Variants in SFXN3 observed in about 807,000 individuals in gnomAD.
SFXN3 encodes the protein sideroflexin-3.
Under a neutral mutation model 40.4 loss-of-function variants are expected in SFXN3, and 31 were observed. That is an observed-to-expected ratio of 0.77 (90% CI 0.58 to 1.04). The LOEUF is 1.04. SFXN3 is among the 50% of genes least tolerant of loss of function. SFXN3 has a pLI of 0.00. For missense variants in SFXN3, 366 were observed against 408.2 expected (o/e 0.90, Z 0.89); for synonymous variants, 157 against 160.0 (o/e 0.98, Z 0.14).
rs1938629245 is a variant in SFXN3, at chr10:101,036,783, A to T, written c.568A>T (p.Ile190Phe). ...TGCAGCAGTGGCAGCTGCCAACTGC[A>T]TCAACATCCCCCTGATGAGGCAGAG... Residue 190 changes from isoleucine (I) to phenylalanine (F), a missense_variant, in exon 7 of 12, where the codon ATC becomes TTC. Physicochemically the swap from Ile to Phe is conservative, Grantham distance 21 (BLOSUM62 0). Transcript: ENST00000393459. The surrounding 1 kb of genome is among the most constrained non-coding windows in gnomAD (Gnocchi z 4.2). 1.2e-6 allele frequency: 2 copies of T among 1,613,862 alleles called. No individual in the cohort carries two copies. Among genetic ancestry groups the T allele is most frequent in the African/African-American group, 1.3e-5 (1 of 75,048 alleles).
At chr10:101,034,648 T>G (rs1439778098) in intron 2 of SFXN3, 44 bp from the exon 3 acceptor site, 1 of 1,603,150 alleles carries the variant, frequency 6.2e-7, no homozygotes, top group South Asian at 1.1e-5. Context: ...CTGGAGCCCT[T>G]GGACCCTTGG....
intron 2 of SFXN3, among the ~76,000 whole-genome samples, chr10:101,033,564 G>C (rs57847980): frequency 0.011 from 1,744 of 152,126 alleles, 38 homozygotes; most frequent in African/African-American, 0.04. Context: ...CACACCTGTG[G>C]GTATTTCTAG....
intron 2 of SFXN3, 109 bp downstream of exon 2, chr10:101,032,591 A>G (rs950240517): frequency 7.8e-7 from 1 of 1,277,222 alleles, no homozygotes; most frequent in African/African-American, 1.6e-5. Flanking sequence ...GGCTCTGTGG[A>G]GGTCCAAGTC....
At chr10:101,035,427 G>A (rs1218460951) in intron 3 of SFXN3, 70 bp from the exon 4 acceptor site, 1 of 1,517,414 alleles carries the variant, frequency 6.6e-7, no homozygotes, top group East Asian at 2.3e-5. Context: ...CCCTGAGCTG[G>A]GCAGGTGGGG....
At chr10:101,041,237 G>A (rs1011517589) in exon 12 of SFXN3, 1 of 152,076 alleles carries the variant, frequency 6.6e-6, no homozygotes, top group Non-Finnish European at 1.5e-5. Context: ...CTGCAAACTT[G>A]TCTACTTCTT....
At chr10:101,034,035 C>T (rs1195818258) in intron 2 of SFXN3, among the ~76,000 whole-genome samples, 1 of 151,884 alleles carries the variant, frequency 6.6e-6, no homozygotes, top group Non-Finnish European at 1.5e-5. Flanking sequence ...CAGGGGCAAG[C>T]AGGAGACAGT....
At chr10:101,033,410 A>G (rs568056216) in intron 2 of SFXN3, among the ~76,000 whole-genome samples, 75 of 152,340 alleles carry the variant, frequency 4.9e-4, no homozygotes, top group African/African-American at 1.6e-3. Flanking sequence ...AGGATAGAGC[A>G]CAAGGAGATC....
At chr10:101,038,202 C>T in intron 9 of SFXN3, 2 of 941,146 alleles carry the variant, frequency 2.1e-6, no homozygotes, top group South Asian at 3.1e-5. Flanking sequence ...GGGGCTTGCA[C>T]ATTTGAGGAA....
intron 1 of SFXN3, among the ~76,000 whole-genome samples, 185 bp downstream of exon 1, chr10:101,031,719 C>G (rs1001168908): frequency 1.3e-5 from 2 of 152,104 alleles, no homozygotes; most frequent in East Asian, 3.8e-4. Flanking sequence ...CGCGAGGTTC[C>G]TGGGGTCGTC....
At chr10:101,038,355 G>A (rs1407835009) in intron 9 of SFXN3, 3 of 1,349,910 alleles carry the variant, frequency 2.2e-6, no homozygotes, top group East Asian at 2.9e-5. Context: ...ATCAGCTCCT[G>A]GAGGAAGTGA....
exon 4 of SFXN3, chr10:101,035,532 A>G (rs1281862310): frequency 6.2e-7 from 1 of 1,612,484 alleles, no homozygotes; most frequent in Non-Finnish European, 8.5e-7. Flanking sequence ...ACCGAGGACC[A>G]GCTGTGGAGG....
rs1206483576 is a variant in SFXN3 at position 101,034,626 on chromosome 10, G to T, written c.-3-66G>T. 4.5e-6 allele frequency: 7 copies of T among 1,566,100 alleles called. 1 individual carries two copies. Among genetic ancestry groups the T allele is most frequent in the African/African-American group, 2.7e-5 (2 of 73,460 alleles). On this transcript the variant is annotated intron_variant, in intron 2 of 11. Transcript: ENST00000393459. The stretch of plus-strand genomic sequence containing the variant: ...CAGGGGCCAGGGCAGGGGCACCAAA[G>T]ATTTCCCCTAGCTGGAGCCCTTGGA...
chr10:101,033,115 C>T (rs887284095), intron 2 of SFXN3, among the ~76,000 whole-genome samples: 3 of 152,112 alleles, frequency 2.0e-5, no homozygotes, highest in African/African-American at 7.2e-5. Context: ...CATCAGAGTC[C>T]CCTGATTGAG....
intron 9 of SFXN3, chr10:101,038,118 G>A (rs371504096): frequency 6.4e-6 from 2 of 314,102 alleles, no homozygotes; most frequent in South Asian, 9.5e-5. Flanking sequence ...CAAAGGATGA[G>A]GAGAGAGCCA....
At chr10:101,032,419 C>T (rs1590085194) in exon 2 of SFXN3, 1 of 1,504,556 alleles carries the variant, frequency 6.6e-7, no homozygotes, top group South Asian at 1.3e-5. Flanking sequence ...CTGGGAGGGC[C>T]CGGCGGCGAC....
Position 101,038,421 on chromosome 10 carries a change from G to A in SFXN3, c.772-222G>A, listed in dbSNP as rs1938723370. On this transcript the variant is annotated intron_variant, in intron 9 of 11. Coordinates refer to ENST00000393459, the Ensembl canonical transcript of SFXN3. ...TGGCAACCAATTCTGAGAGGTGAGA[G>A]GTCATGGGATGCCGGGGAGGGTGAT... The A allele has an allele frequency of 2.8e-6, 4 of 1,428,810 alleles. No homozygotes were observed. The Admixed American group carries it at 1.1e-4, about 40-fold the overall frequency. The allele number at this position is 1,428,810 out of a possible 1,614,324, so 88.5% of individuals were successfully genotyped here.
rs1479096464 is a variant in SFXN3 at position 101,036,385 on chromosome 10, CT to C, written c.432-97del. ...AGGCTTCTTCTGCAAGGAGCTTCCC[CT>C]TTTATGCCTCATGTATTGAGGACTT... On this transcript the variant is annotated intron_variant, in intron 5 of 11. Coordinates refer to ENST00000393459, the Ensembl canonical transcript of SFXN3. This position sits in a 1 kb window ranked among gnomAD's most constrained non-coding sequence, Gnocchi z 4.2. 2 of 1,157,760 alleles carry C rather than the reference CT, an allele frequency of 1.7e-6. No individual in the cohort carries two copies. Among genetic ancestry groups the C allele is most frequent in the Admixed American group, 2.0e-5 (1 of 50,690 alleles). The allele number at this position is 1,157,760 out of a possible 1,614,324, so 71.7% of individuals were successfully genotyped here.
intron 1 of SFXN3, among the ~76,000 whole-genome samples, 156 bp downstream of exon 1, chr10:101,031,690 C>A (rs1177419876): frequency 3.3e-5 from 5 of 152,282 alleles, no homozygotes; most frequent in South Asian, 4.1e-4. Context: ...CCTTCTGATG[C>A]ACTTGCTCGG....
chr10:101,037,418 A>C, exon 9 of SFXN3: 1 of 1,614,178 alleles, frequency 6.2e-7, no homozygotes, highest in Non-Finnish European at 8.5e-7. Context: ...CTGGAGAAGA[A>C]AGACTTCCTG....
Sources: allele counts gnomAD v4.1 joint callset (sites outside exome capture counted in the v4.1 genomes callset), GRCh38; gene constraint gnomAD v4.1.1; non-coding constraint Gnocchi (gnomAD v3.1); transcripts MANE v1.5; gene names NCBI Gene and HGNC (gene_info 2026-07-23, HGNC 2026-07-21).